DLGAP4: variants seen among roughly 807,000 people sequenced by gnomAD.
The protein encoded by DLGAP4 is DLG associated protein 4.
A neutral mutation model predicts 86.9 loss-of-function variants in DLGAP4; 18 were observed. The ratio of observed to expected loss-of-function variants is 0.21; its 90% CI spans 0.14 to 0.31. The LOEUF is 0.31. Ranked by LOEUF, DLGAP4 falls within the 10% of genes least tolerant of loss-of-function variation. The pLI, the probability that DLGAP4 is intolerant of heterozygous loss-of-function variation, is 1.00. For missense variants in DLGAP4, 1,085 were observed against 1,362.6 expected, an observed-to-expected ratio of 0.80 and a Z score of 3.21; for synonymous variants, 548 against 574.3, an observed-to-expected ratio of 0.95 and a Z score of 0.65.
chr20:36,422,786 C>G (rs2032865481), intron 2 of DLGAP4, among the ~76,000 whole-genome samples: 1 of 152,182 alleles, frequency 6.6e-6, no homozygotes, highest in African/African-American at 2.4e-5. Context: ...GAGGCAGCAG[C>G]TTTGCTGGGC....
chr20:36,309,939 A>G (rs1324629468), intron 1 of DLGAP4, among the ~76,000 whole-genome samples: 3 of 152,196 alleles, frequency 2.0e-5, no homozygotes, highest in Non-Finnish European at 2.9e-5. Flanking sequence ...GTGCTGTCCA[A>G]CCACTGGAAG....
At chr20:36,385,759 C>T (rs1468813970) in intron 2 of DLGAP4, among the ~76,000 whole-genome samples, 4 of 152,216 alleles carry the variant, frequency 2.6e-5, no homozygotes, top group Admixed American at 6.5e-5. Context: ...CACCCTCTCT[C>T]CAGGGCCCTG....
At chr20:36,332,966 C>T (rs2065285101) in intron 1 of DLGAP4, among the ~76,000 whole-genome samples, 1 of 152,186 alleles carries the variant, frequency 6.6e-6, no homozygotes, top group Non-Finnish European at 1.5e-5. Flanking sequence ...TCTTTCCTTC[C>T]AAGAGCAAAT....
chr20:36,351,695 C>T (rs1555893471), intron 1 of DLGAP4, among the ~76,000 whole-genome samples: 4 of 152,096 alleles, frequency 2.6e-5, no homozygotes, highest in Non-Finnish European at 5.9e-5. Flanking sequence ...TCCATGAAAC[C>T]GGTTCCTGGT....
chr20:36,391,161 G>GC, intron 2 of DLGAP4, among the ~76,000 whole-genome samples: 1 of 152,076 alleles, frequency 6.6e-6, no homozygotes, highest in Non-Finnish European at 1.5e-5. Flanking sequence ...CTCAGAGACT[G>GC]CCCCCGACAC....
chr20:36,319,516 GC>G (rs2065144887), intron 1 of DLGAP4, among the ~76,000 whole-genome samples: 1 of 152,178 alleles, frequency 6.6e-6, no homozygotes, highest in African/African-American at 2.4e-5. Flanking sequence ...CCCTAGCCTA[GC>G]CCAGGGCAGC....
chr20:36,345,592 C>T (rs189473326), intron 1 of DLGAP4, among the ~76,000 whole-genome samples: 3 of 152,324 alleles, frequency 2.0e-5, no homozygotes, highest in South Asian at 4.1e-4. Context: ...TGGTATAAGC[C>T]TCAAGCCTTG....
intron 7 of DLGAP4, among the ~76,000 whole-genome samples, chr20:36,491,030 T>TAAAA (rs757935259): frequency 9.9e-6 from 1 of 101,440 alleles, no homozygotes; most frequent in Non-Finnish European, 2.0e-5. Context: ...CCATCTCTAC[T>TAAAA]AAAAAAAAAA....
intron 10 of DLGAP4, among the ~76,000 whole-genome samples, chr20:36,522,070 C>T (rs760083985): frequency 2.0e-5 from 3 of 152,080 alleles, no homozygotes; most frequent in Non-Finnish European, 2.9e-5. Flanking sequence ...CTACAGGGCT[C>T]CTCACAGTGC....
intron 10 of DLGAP4, among the ~76,000 whole-genome samples, chr20:36,517,276 G>A (rs1462092278): frequency 1.3e-5 from 2 of 152,038 alleles, no homozygotes; most frequent in African/African-American, 2.4e-5. Context: ...TACTGGGGAG[G>A]CTGAGGCATG....
At position 36,524,741 on chromosome 20, in the gene DLGAP4, A is replaced by G. The variant is rs565014446; in HGVS notation, c.2604+400A>G. ...AACATGGAGAAACCCTGTCTCTACT[A>G]AAAATACAAAATTAGCTGGGCGTGG... is the stretch of plus-strand genomic sequence containing the variant. On this transcript the variant is annotated intron_variant, in intron 11 of 12. Coordinates refer to ENST00000339266, the MANE Select transcript of DLGAP4 (RefSeq NM_001365621.2). Among the ~76,000 whole-genome samples, 7 of 152,050 alleles carry G rather than the reference A, an allele frequency of 4.6e-5. No homozygotes were observed. The South Asian group carries it at 1.5e-3, about 32-fold the overall frequency.
chr20:36,355,400 G>A (rs1199253501), intron 1 of DLGAP4, among the ~76,000 whole-genome samples: 1 of 151,114 alleles, frequency 6.6e-6, no homozygotes, highest in African/African-American at 2.4e-5. Context: ...CAGGCTCAAC[G>A]ATCCTCTCAC....
chr20:36,409,167 C>G (rs1387523693), intron 2 of DLGAP4, among the ~76,000 whole-genome samples: 1 of 150,792 alleles, frequency 6.6e-6, no homozygotes, highest in Non-Finnish European at 1.5e-5. Context: ...TTCCAAATAG[C>G]TGGGATTACA....
chr20:36,469,793 A>G (rs1448765115), intron 7 of DLGAP4, among the ~76,000 whole-genome samples: 1 of 151,732 alleles, frequency 6.6e-6, no homozygotes, highest in Non-Finnish European at 1.5e-5. Flanking sequence ...GTCTTCAGGA[A>G]TGGCTTAATT....
At chr20:36,513,094 G>GGCCC (rs990559904) in intron 10 of DLGAP4, among the ~76,000 whole-genome samples, 15 of 150,924 alleles carry the variant, frequency 9.9e-5, no homozygotes, top group Non-Finnish European at 1.5e-4. Flanking sequence ...TCGGACCACA[G>GGCCC]GCCCGCCGCA....
intron 8 of DLGAP4, chr20:36,499,361 G>GC: frequency 1.1e-6 from 1 of 931,592 alleles, no homozygotes. Flanking sequence ...CCCACCTCCC[G>GC]CCCACCTGCC....
In DLGAP4 at chr20:36,387,061, T is replaced by G. The variant is rs2031624351; in HGVS notation, c.-73+19786T>G. Among the ~76,000 whole-genome samples, 2 of 152,218 alleles carry G rather than the reference T, an allele frequency of 1.3e-5. 1 individual carries two copies. Among genetic ancestry groups the G allele is most frequent in the South Asian group, 4.1e-4 (2 of 4,836 alleles). ...GATCTCTGTGAATATGCATTAGTAT[T>G]TCTCTGGAAGCAGGATTTTCTGTGT... On this transcript the variant is annotated intron_variant, in intron 2 of 12. Coordinates refer to ENST00000339266, the MANE Select transcript of DLGAP4 (RefSeq NM_001365621.2).
intron 10 of DLGAP4, among the ~76,000 whole-genome samples, chr20:36,519,495 T>G (rs2037244060): frequency 6.6e-6 from 1 of 152,196 alleles, no homozygotes; most frequent in South Asian, 2.1e-4. Context: ...TATTCATCTA[T>G]TGACAGACAC....
chr20:36,525,769 G>C (rs2037715825), intron 11 of DLGAP4, 82 bp from the exon 12 acceptor site: 1 of 1,580,660 alleles, frequency 6.3e-7, no homozygotes, highest in Non-Finnish European at 8.6e-7. Context: ...AGGGCCCAGA[G>C]GAACCCTGCT....
Sources: gnomAD v4.1 joint callset for allele counts (sites outside exome capture counted in the v4.1 genomes callset) on GRCh38, gnomAD v4.1.1 for gene constraint, MANE v1.5 for transcripts, NCBI Gene and HGNC (gene_info 2026-07-23, HGNC 2026-07-21) for gene names.